SLCO1B3: variants seen among roughly 807,000 people sequenced by gnomAD.
The protein encoded by SLCO1B3 is solute carrier organic anion transporter family member 1B3.
A neutral mutation model predicts 71.8 loss-of-function variants in SLCO1B3; 72 were observed. That is an observed-to-expected ratio of 1.00 (90% confidence interval 0.83 to 1.22). The LOEUF (loss-of-function observed/expected upper bound fraction) is 1.22. Among genes scored for constraint, SLCO1B3 ranks in the 50% most tolerant of loss-of-function variants. The pLI, the probability that SLCO1B3 is intolerant of heterozygous loss-of-function variation, is 0.00. For synonymous variants in SLCO1B3, 298 were observed against 278.4 expected, an observed-to-expected ratio of 1.07 and a Z score of -0.70; for missense variants, 911 against 819.7, an observed-to-expected ratio of 1.11 and a Z score of -1.36.
At chr12:20,822,697 T>C (rs1280585821) in intron 3 of SLCO1B3, among the ~76,000 whole-genome samples, 2 of 152,190 alleles carry the variant, frequency 1.3e-5, no homozygotes, top group Non-Finnish European at 2.9e-5. Context: ...CAGTTATTTA[T>C]TTGTCTTGTG....
intron 15 of SLCO1B3, among the ~76,000 whole-genome samples, chr12:20,904,111 G>A (rs1317513421): frequency 1.3e-5 from 2 of 151,776 alleles, no homozygotes; most frequent in African/African-American, 4.8e-5. Flanking sequence ...ATTGTAGTGG[G>A]TGCCTGTAGT....
chr12:20,905,971 C>T (rs928549911), intron 15 of SLCO1B3, among the ~76,000 whole-genome samples: 1 of 152,152 alleles, frequency 6.6e-6, no homozygotes, highest in Non-Finnish European at 1.5e-5. Flanking sequence ...CATGTCTTCT[C>T]ATTACAACAG....
At chr12:20,889,222 T>C (rs2121333957) in intron 13 of SLCO1B3, among the ~76,000 whole-genome samples, 1 of 152,174 alleles carries the variant, frequency 6.6e-6, no homozygotes, top group Non-Finnish European at 1.5e-5. Context: ...ATAGAATTAG[T>C]TGAAGAGGAT....
intron 8 of SLCO1B3, among the ~76,000 whole-genome samples, chr12:20,871,018 G>A (rs892726760): frequency 3.3e-5 from 5 of 152,040 alleles, no homozygotes; most frequent in African/African-American, 1.2e-4. Context: ...AACTAACTTT[G>A]GATCCCAGGA....
intron 3 of SLCO1B3, among the ~76,000 whole-genome samples, chr12:20,837,930 C>T (rs928434388): frequency 1.3e-5 from 2 of 152,002 alleles, no homozygotes; most frequent in Admixed American, 6.6e-5. Flanking sequence ...GTATTGATGT[C>T]TCCAACTATG....
intron 9 of SLCO1B3, among the ~76,000 whole-genome samples, chr12:20,876,851 G>A (rs534814349): frequency 2.0e-5 from 3 of 150,778 alleles, no homozygotes; most frequent in African/African-American, 7.3e-5. Context: ...TTTTTTTTGA[G>A]ACAGAGTCTC....
At chr12:20,826,599 A>G (rs1864427206) in intron 3 of SLCO1B3, among the ~76,000 whole-genome samples, 1 of 151,472 alleles carries the variant, frequency 6.6e-6, no homozygotes, top group African/African-American at 2.4e-5. Context: ...CCTTATTACA[A>G]TTTATACAAA....
intron 12 of SLCO1B3, among the ~76,000 whole-genome samples, chr12:20,881,468 A>G (rs1365764390): frequency 6.6e-6 from 1 of 152,154 alleles, no homozygotes; most frequent in Non-Finnish European, 1.5e-5. Context: ...ATATATACAT[A>G]CTGATAAGTG....
Position 20,880,849 on chromosome 12 carries a change from T to C in SLCO1B3, c.1332-6T>C. On this transcript the variant is annotated splice_polypyrimidine_tract_variant and splice_region_variant and intron_variant, in intron 11 of 15. Coordinates refer to ENST00000381545, the MANE Select transcript of SLCO1B3 (RefSeq NM_019844.4). The stretch of plus-strand genomic sequence containing the variant: ...TTTTTGATATATTTCTATCATATAT[T>C]TTCAGAAATAATTCAGTGGCATCTC... The C allele has an allele frequency of 1.3e-6, 2 of 1,571,400 alleles. No homozygotes were observed. The highest frequency in any genetic ancestry group is 1.2e-5 in the South Asian group (1 of 86,618).
At chr12:20,813,772 G>A (rs180856686) in intron 2 of SLCO1B3, 134 bp downstream of exon 2, 8 of 152,116 alleles carry the variant, frequency 5.3e-5, no homozygotes, top group African/African-American at 4.8e-5. Flanking sequence ...GTATTGATCC[G>A]TTGATTAAAA....
chr12:20,836,105 T>G (rs1020016529), intron 3 of SLCO1B3, among the ~76,000 whole-genome samples: 2 of 152,162 alleles, frequency 1.3e-5, no homozygotes, highest in African/African-American at 4.8e-5. Context: ...GTGAGACTTA[T>G]TCACTATCAC....
chr12:20,811,798 C>T (rs1021851721), intron 1 of SLCO1B3, among the ~76,000 whole-genome samples: 4 of 151,824 alleles, frequency 2.6e-5, no homozygotes, highest in African/African-American at 9.7e-5. Flanking sequence ...ATATATTAAA[C>T]GCTTCTAAAT....
Position 20,823,576 on chromosome 12 carries a change from G to T in SLCO1B3, c.84+7754G>T, listed in dbSNP as rs375687489. Among the ~76,000 whole-genome samples the T allele has an allele frequency of 1.1e-3, 163 of 152,182 alleles. 4 individuals are homozygous for T. In the South Asian group the frequency reaches 0.033, roughly 31 times the overall value. ...ATAAATTTTAGTACTTTTACACTTG[G>T]TTTAATTATTTGTATAAAGTGCAAC... is the stretch of plus-strand genomic sequence containing the variant. On this transcript the variant is annotated intron_variant, in intron 3 of 15. Transcript: ENST00000381545.
intron 3 of SLCO1B3, among the ~76,000 whole-genome samples, chr12:20,816,711 C>T (rs1115043): frequency 0.52 from 79,468 of 151,994 alleles, 21,535 homozygotes; most frequent in East Asian, 0.74. Flanking sequence ...TGGGTATATA[C>T]CCAGCAGTGG....
At chr12:20,832,591 C>T (rs1355944770) in intron 3 of SLCO1B3, among the ~76,000 whole-genome samples, 1 of 152,168 alleles carries the variant, frequency 6.6e-6, no homozygotes, top group Non-Finnish European at 1.5e-5. Context: ...GTAACTGCCA[C>T]CAAGATCCAT....
chr12:20,855,260 A>C (rs1865110510), intron 4 of SLCO1B3, 91 bp downstream of exon 4: 2 of 1,141,196 alleles, frequency 1.8e-6, no homozygotes, highest in South Asian at 3.0e-5. Flanking sequence ...GGTCTGGACT[A>C]GGTGTAAATT....
At chr12:20,890,499 T>C (rs916469742) in intron 13 of SLCO1B3, among the ~76,000 whole-genome samples, 8 of 151,230 alleles carry the variant, frequency 5.3e-5, no homozygotes, top group Admixed American at 6.6e-5. Flanking sequence ...TAGGGTAAAA[T>C]GTTCTGTAAA....
intron 3 of SLCO1B3, chr12:20,845,155 G>T: frequency 2.2e-6 from 1 of 461,352 alleles, no homozygotes; most frequent in South Asian, 1.7e-5. Context: ...TGAGCTCACC[G>T]GGCTGATTGT....
rs1432429780 is a variant in SLCO1B3, at chr12:20,916,211, T to A, written c.2073T>A (p.Cys691Ter). 1.2e-6 allele frequency: 2 copies of A among 1,613,026 alleles called. No homozygotes were observed. Among genetic ancestry groups the A allele is most frequent in the South Asian group, 2.2e-5 (2 of 91,054 alleles). Reference protein sequence around the residue: ...VPSAGTDSKTCNLDMQDNAAA... With the variant: ...VPSAGTDSKT ...CTGCTGGAACAGATAGTAAAACATG[T>A]AATTTGGACATGCAAGACAATGCTG... The change falls in exon 16 of 16, where the codon TGT (cysteine) becomes TGA (stop). Residue 691 changes from cysteine (C) to a stop codon, truncating the protein, a stop_gained. Transcript: ENST00000381545. LOFTEE classifies it low-confidence loss of function (END_TRUNC).
Sources: gnomAD v4.1 joint callset for allele counts (sites outside exome capture counted in the v4.1 genomes callset) on GRCh38, gnomAD v4.1.1 for gene constraint, MANE v1.5 for transcripts, NCBI Gene and HGNC (gene_info 2026-07-23, HGNC 2026-07-21) for gene names.